The following STS variants were observed in gnomAD, a reference collection of about 807,000 sequenced individuals.
STS encodes the protein steryl-sulfatase.
Under a neutral mutation model 26.8 loss-of-function variants are expected in STS, and 7 were observed. That is an observed-to-expected ratio of 0.26 (90% confidence interval 0.15 to 0.49). The LOEUF (loss-of-function observed/expected upper bound fraction) is 0.49, where lower values mean the gene tolerates loss of function less well. Ranked by LOEUF, STS falls within the 20% of genes least tolerant of loss-of-function variation. The pLI, the probability that STS is intolerant of heterozygous loss-of-function variation, is 0.98. For synonymous variants in STS, 199 were observed against 189.4 expected, an observed-to-expected ratio of 1.05 and a Z score of -0.42; for missense variants, 434 against 465.6, an observed-to-expected ratio of 0.93 and a Z score of 0.63.
chrX:7,215,116 T>TAC (rs112212398), intron 2 of STS, among the ~76,000 whole-genome samples: 2,553 of 80,745 alleles, frequency 0.032, 81 homozygotes, highest in African/African-American at 0.096. Context: ...TACACATATA[T>TAC]ACACACACAC....
intron 1 of STS, among the ~76,000 whole-genome samples, chrX:7,179,962 T>C (rs1157044576): frequency 2.7e-5 from 3 of 111,868 alleles, no homozygotes; most frequent in African/African-American, 9.8e-5. Flanking sequence ...AGGTGCTGGA[T>C]ATGTTAATTG....
intron 10 of STS, among the ~76,000 whole-genome samples, chrX:7,341,424 C>T (rs141773303): frequency 6.3e-5 from 7 of 111,405 alleles, no homozygotes; most frequent in Non-Finnish European, 1.1e-4. Flanking sequence ...CTCTCAGCTG[C>T]CCTCCTCCCT....
At chrX:7,148,156 GCGCGCACCCGCCCGCCCCGCGCA>G (rs1932923997) in intron 1 of STS, 73 bp downstream of exon 1, 7 of 955,061 alleles carry the variant, frequency 7.3e-6, no homozygotes, top group African/African-American at 2.1e-5. Context: ...GAGGAAGTGC[GCGCGCACCCGCCCGCCCCGCGCA>G]CGCGCACTGA....
chrX:7,162,957 T>A (rs1933277749), intron 1 of STS, among the ~76,000 whole-genome samples: 1 of 102,334 alleles, frequency 9.8e-6, no homozygotes, highest in African/African-American at 3.7e-5. Context: ...CTCAGGAGGC[T>A]GAGGCAGGAG....
At chrX:7,263,961 T>G (rs1923880026) in intron 6 of STS, among the ~76,000 whole-genome samples, 1 of 111,898 alleles carries the variant, frequency 8.9e-6, no homozygotes, top group Admixed American at 9.5e-5. Context: ...GAATAAAGAA[T>G]TTTCTGCCCA....
At chrX:7,237,036 T>C (rs1028404439) in intron 2 of STS, among the ~76,000 whole-genome samples, 3 of 110,593 alleles carry the variant, frequency 2.7e-5, no homozygotes, top group Admixed American at 9.7e-5. Flanking sequence ...AGAGAAAAGA[T>C]CTGGTGTTGC....
chrX:7,263,594 A>G (rs891763161), intron 6 of STS, among the ~76,000 whole-genome samples: 1 of 112,335 alleles, frequency 8.9e-6, no homozygotes, highest in Non-Finnish European at 1.9e-5. Context: ...TTGCAGAATG[A>G]TGAAATTGCT....
intron 8 of STS, among the ~76,000 whole-genome samples, chrX:7,307,381 G>A (rs1284867125): frequency 4.5e-5 from 5 of 111,049 alleles, no homozygotes; most frequent in South Asian, 3.8e-4. Context: ...CTCACCCAGC[G>A]CAGTAAGGCC....
intron 8 of STS, among the ~76,000 whole-genome samples, chrX:7,315,464 G>A (rs930961581): frequency 1.1e-4 from 12 of 111,687 alleles, no homozygotes; most frequent in African/African-American, 3.9e-4. Flanking sequence ...GGACTAATAG[G>A]ATAGATGTCT....
At chrX:7,328,108 C>T (rs1162413542) in intron 9 of STS, among the ~76,000 whole-genome samples, 1 of 111,738 alleles carries the variant, frequency 8.9e-6, no homozygotes, top group Non-Finnish European at 1.9e-5. Flanking sequence ...TTCACCTCCT[C>T]CTTGGCTGTA....
At chrX:7,154,976 C>T (rs1933103931) in intron 1 of STS, among the ~76,000 whole-genome samples, 1 of 112,176 alleles carries the variant, frequency 8.9e-6, no homozygotes, top group South Asian at 3.7e-4. Flanking sequence ...TTTACTTGCA[C>T]CCAACTCCTG....
chrX:7,346,703 T>C (rs1222035029), intron 10 of STS, among the ~76,000 whole-genome samples: 1 of 112,187 alleles, frequency 8.9e-6, no homozygotes, highest in Non-Finnish European at 1.9e-5. Context: ...TTTTCTAGTA[T>C]ATGAGGATAC....
intron 8 of STS, among the ~76,000 whole-genome samples, chrX:7,309,234 T>G (rs1456943084): frequency 8.9e-6 from 1 of 111,888 alleles, no homozygotes; most frequent in Non-Finnish European, 1.9e-5. Flanking sequence ...AGATCATGTC[T>G]TTTGTAACTT....
At position 7,283,674 on chromosome X, in the gene STS, T is replaced by A. The variant is rs781549592; in HGVS notation, c.943+7587T>A. 8.1e-5 allele frequency among the ~76,000 whole-genome samples: 9 copies of A among 110,550 alleles called. 1 individual carries two copies. The highest frequency in any genetic ancestry group is 1.5e-4 in the Non-Finnish European group (8 of 52,905). On this transcript the variant is annotated intron_variant, in intron 7 of 10. Transcript: ENST00000674429. ...TAGGATCACCAAACTTATTGATGAT[T>A]GAAGTTTTGCTAGCAGGGAGTGTCA...
chrX:7,325,375 T>C lies in STS; in HGVS notation c.1118T>C (p.Val373Ala). ...KANNWEGGIRVPGILRWPRVI... is the reference protein window; with the variant it reads ...KANNWEGGIRAPGILRWPRVI... ...AACAACTGGGAAGGAGGTATCCGGG[T>C]TCCAGGCATCCTTCGTTGGCCCAGG... Residue 373 changes from valine to alanine, a missense_variant, in exon 9 of 11, where the codon GTT becomes GCT. Transcript: ENST00000674429. 1.7e-6 allele frequency: 2 copies of C among 1,211,480 alleles called. No individual in the cohort carries two copies. Among genetic ancestry groups the C allele is most frequent in the Non-Finnish European group, 2.2e-6 (2 of 895,332 alleles).
chrX:7,155,635 A>G (rs951061968), intron 1 of STS, among the ~76,000 whole-genome samples: 1 of 111,975 alleles, frequency 8.9e-6, no homozygotes, highest in Admixed American at 9.5e-5. Flanking sequence ...TCACAAATGT[A>G]TATGTTAAAT....
At chrX:7,178,161 G>A (rs1278927465) in intron 1 of STS, among the ~76,000 whole-genome samples, 2 of 112,247 alleles carry the variant, frequency 1.8e-5, no homozygotes, top group Non-Finnish European at 3.8e-5. Flanking sequence ...GAGACAAAAG[G>A]TTTTTTGTAC....
intron 8 of STS, among the ~76,000 whole-genome samples, chrX:7,318,256 CGAT>C (rs766939747): frequency 1.8e-5 from 2 of 111,476 alleles, no homozygotes; most frequent in East Asian, 5.7e-4. Context: ...AAACTCTGCT[CGAT>C]GATAATGTGA....
intron 7 of STS, among the ~76,000 whole-genome samples, chrX:7,294,248 A>T (rs906290857): frequency 9.0e-6 from 1 of 111,413 alleles, no homozygotes; most frequent in Non-Finnish European, 1.9e-5. Flanking sequence ...ATCTCAAATT[A>T]AAATTAATAG....
Sources: gnomAD v4.1 joint callset for allele counts (sites outside exome capture counted in the v4.1 genomes callset) on GRCh38, gnomAD v4.1.1 for gene constraint, MANE v1.5 for transcripts, NCBI Gene and HGNC (gene_info 2026-07-23, HGNC 2026-07-21) for gene names.